IL1RAPL1: variants seen among roughly 807,000 people sequenced by gnomAD.
IL1RAPL1 encodes interleukin 1 receptor accessory protein like 1, also known as interleukin-1 receptor accessory protein-like 1.
Under a neutral mutation model 48.4 loss-of-function variants are expected in IL1RAPL1, and 3 were observed. That is an observed-to-expected ratio of 0.06 (90% CI 0.03 to 0.16). The LOEUF (loss-of-function observed/expected upper bound fraction) is 0.16. Ranked by LOEUF, IL1RAPL1 falls within the 10% of genes least tolerant of loss-of-function variation. The pLI is 1.00. For synonymous variants in IL1RAPL1, 185 were observed against 187.7 expected, an observed-to-expected ratio of 0.99 and a Z score of 0.12; for missense variants, 349 against 530.6, an observed-to-expected ratio of 0.66 and a Z score of 3.36.
chrX:29,672,448 T>C (rs140603357), intron 6 of IL1RAPL1, among the ~76,000 whole-genome samples: 11,649 of 111,261 alleles, frequency 0.1, 519 homozygotes, highest in Middle Eastern at 0.21. Flanking sequence ...CTCTTTTACC[T>C]CTTTTTCTCT....
At chrX:28,695,772 C>T (rs1935223479) in intron 1 of IL1RAPL1, among the ~76,000 whole-genome samples, 1 of 112,108 alleles carries the variant, frequency 8.9e-6, no homozygotes, top group South Asian at 3.6e-4. Flanking sequence ...AAAGGAGTCT[C>T]TTCTTCTATA....
intron 2 of IL1RAPL1, among the ~76,000 whole-genome samples, chrX:29,166,446 C>A (rs1228275973): frequency 9.0e-6 from 1 of 111,710 alleles, no homozygotes; most frequent in African/African-American, 3.2e-5. Context: ...CCTGTGAAAT[C>A]TCCCTTGAAT....
At chrX:29,355,955 T>C (rs897334883) in intron 3 of IL1RAPL1, among the ~76,000 whole-genome samples, 2 of 111,533 alleles carry the variant, frequency 1.8e-5, no homozygotes, top group African/African-American at 6.5e-5. Context: ...AAGGGAAAAC[T>C]ACCTCAAAAG....
intron 6 of IL1RAPL1, among the ~76,000 whole-genome samples, chrX:29,672,734 A>G (rs143167711): frequency 0.097 from 10,782 of 111,717 alleles, 432 homozygotes; most frequent in Middle Eastern, 0.2. Context: ...TCACAGCACA[A>G]AGGACACACA....
intron 1 of IL1RAPL1, among the ~76,000 whole-genome samples, chrX:28,730,234 A>G: frequency 9.0e-6 from 1 of 111,712 alleles, no homozygotes; most frequent in East Asian, 2.8e-4. Flanking sequence ...TCCCCTGCTT[A>G]ACTAAACCAG....
chrX:29,292,356 A>G (rs1398641289), intron 3 of IL1RAPL1, among the ~76,000 whole-genome samples: 1 of 111,680 alleles, frequency 9.0e-6, no homozygotes, highest in Non-Finnish European at 1.9e-5. Context: ...GTCTTTTGAC[A>G]GAATATACCT....
At chrX:29,830,053 A>G (rs1930838153) in intron 6 of IL1RAPL1, among the ~76,000 whole-genome samples, 1 of 112,331 alleles carries the variant, frequency 8.9e-6, no homozygotes, top group South Asian at 3.7e-4. Context: ...TGAGTTTGAC[A>G]TTTCAATTCA....
intron 6 of IL1RAPL1, among the ~76,000 whole-genome samples, chrX:29,803,301 A>G (rs867361109): frequency 5.1e-5 from 1 of 19,672 alleles, no homozygotes; most frequent in African/African-American, 2.4e-4. Flanking sequence ...ATATGTATAC[A>G]TATACACACA....
chrX:29,510,239 T>A lies in IL1RAPL1; in HGVS notation c.703+110931T>A, dbSNP rs187243090. ...TTATTCTGCTGTGTATGTTCAGAGA[T>A]AGCTGTAAAGTATGTATCTACTTTG... is the stretch of plus-strand genomic sequence containing the variant. On this transcript the variant is annotated intron_variant, in intron 5 of 10. Transcript: ENST00000378993. Among the ~76,000 whole-genome samples, 135 of 112,431 alleles carry A rather than the reference T, an allele frequency of 1.2e-3. 1 individual carries two copies. The highest frequency in any genetic ancestry group is 1.7e-3 in the Non-Finnish European group (91 of 53,274).
intron 5 of IL1RAPL1, among the ~76,000 whole-genome samples, chrX:29,529,107 G>A (rs748596527): frequency 9.0e-6 from 1 of 110,998 alleles, no homozygotes; most frequent in Non-Finnish European, 1.9e-5. Flanking sequence ...TAATTGGTCT[G>A]TAGTTTTAAA....
At chrX:29,030,447 A>G (rs1926591666) in intron 2 of IL1RAPL1, among the ~76,000 whole-genome samples, 1 of 111,407 alleles carries the variant, frequency 9.0e-6, no homozygotes, top group Non-Finnish European at 1.9e-5. Context: ...TAATGGGTAC[A>G]TAGGTATTTG....
chrX:29,171,670 A>G (rs956238395), intron 2 of IL1RAPL1, among the ~76,000 whole-genome samples: 5 of 112,332 alleles, frequency 4.5e-5, no homozygotes, highest in African/African-American at 1.6e-4. Context: ...ATAGAAGTAA[A>G]GTTAGTTAAC....
At chrX:29,447,845 A>T (rs1022946994) in intron 5 of IL1RAPL1, among the ~76,000 whole-genome samples, 3 of 112,373 alleles carry the variant, frequency 2.7e-5, no homozygotes, top group Non-Finnish European at 5.6e-5. Context: ...CATAAATCAG[A>T]AATCCATTCA....
At chrX:28,600,344 C>G (rs2146878111) in intron 1 of IL1RAPL1, among the ~76,000 whole-genome samples, 1 of 111,242 alleles carries the variant, frequency 9.0e-6, no homozygotes, top group East Asian at 2.8e-4. Context: ...TTGTAAGTTA[C>G]CAGGCCACAA....
intron 5 of IL1RAPL1, among the ~76,000 whole-genome samples, chrX:29,666,556 A>G: frequency 9.2e-6 from 1 of 108,436 alleles, no homozygotes; most frequent in Non-Finnish European, 1.9e-5. Context: ...AGTTTGCCAC[A>G]TGAAAGTAAT....
intron 6 of IL1RAPL1, among the ~76,000 whole-genome samples, chrX:29,681,906 TTG>T (rs1362066249): frequency 1.4e-5 from 1 of 72,058 alleles, no homozygotes; most frequent in Non-Finnish European, 2.4e-5. Flanking sequence ...AAAATCCTCT[TTG>T]TAAATTAAAA....
At chrX:28,930,766 C>T (rs1178492155) in intron 2 of IL1RAPL1, among the ~76,000 whole-genome samples, 1 of 111,423 alleles carries the variant, frequency 9.0e-6, no homozygotes, top group Non-Finnish European at 1.9e-5. Context: ...CTCAGTCTCC[C>T]GAGTAGCTGG....
intron 6 of IL1RAPL1, among the ~76,000 whole-genome samples, chrX:29,899,528 G>A (rs1470182325): frequency 1.8e-5 from 2 of 108,523 alleles, no homozygotes; most frequent in Non-Finnish European, 3.8e-5. Context: ...GACTAGAAAT[G>A]AGAATAACAG....
At chrX:28,619,825 C>T (rs187485324) in intron 1 of IL1RAPL1, among the ~76,000 whole-genome samples, 268 of 111,066 alleles carry the variant, frequency 2.4e-3, no homozygotes, top group Non-Finnish European at 4.1e-3. Flanking sequence ...TTATCTGAGT[C>T]TCCAAGTTAA....
Sources: allele counts gnomAD v4.1 joint callset (sites outside exome capture counted in the v4.1 genomes callset), GRCh38; gene constraint gnomAD v4.1.1; transcripts MANE v1.5; gene names NCBI Gene and HGNC (gene_info 2026-07-23, HGNC 2026-07-21).